Variants in CCDC175 observed in about 807,000 individuals in gnomAD.
CCDC175 encodes the protein coiled-coil domain containing 175, also known as coiled-coil domain-containing protein 175.
CCDC175 carries 100 observed loss-of-function variants against 114.6 expected under a neutral mutation model. That is an observed-to-expected ratio of 0.87 (90% CI 0.74 to 1.03). The LOEUF is 1.03. Among genes scored for constraint, CCDC175 ranks in the 50% least tolerant of loss-of-function variants. The probability of loss-of-function intolerance (pLI) is 0.00; values close to 1 mark genes in which losing one functional copy is unlikely to be tolerated. For synonymous variants in CCDC175, 306 were observed against 308.7 expected (o/e 0.99, Z 0.09); for missense variants, 880 against 917.8 (o/e 0.96, Z 0.53).
chr14:59,560,869 C>T (rs1227922459), intron 7 of CCDC175, among the ~76,000 whole-genome samples: 1 of 152,086 alleles, frequency 6.6e-6, no homozygotes, highest in Non-Finnish European at 1.5e-5. Flanking sequence ...ATAATATAGA[C>T]ATTCCAAAGA....
chr14:59,570,803 G>A (rs886453193), intron 3 of CCDC175, among the ~76,000 whole-genome samples: 6 of 152,144 alleles, frequency 3.9e-5, no homozygotes, highest in Admixed American at 2.0e-4. Context: ...CTGCAGTGGC[G>A]CAATCTTGGC....
chr14:59,552,983 G>A (rs377288391), intron 7 of CCDC175, among the ~76,000 whole-genome samples: 96 of 152,336 alleles, frequency 6.3e-4, no homozygotes, highest in Non-Finnish European at 9.8e-4. Context: ...CCACATCTAC[G>A]TCTGATTGGT....
chr14:59,505,296 A>G lies in CCDC175; in HGVS notation c.2325T>C (p.Arg775=), dbSNP rs376036837. The change falls in exon 20 of 20, where the codon CGT becomes CGC. Residue 775 remains arginine (R), a synonymous_variant. Transcript: ENST00000537690. ...MDLLKKKKHI[R]TRVHFPVVKC... ...TAACCACTGGGAAATGAACCCTTGT[A>G]CGAATGTGTTTCTTCTTCTCTGTAG... 1.1e-4 allele frequency: 159 copies of G among 1,502,954 alleles called. No individual in the cohort carries two copies. The highest frequency in any genetic ancestry group is 1.4e-4 in the Non-Finnish European group (154 of 1,123,886). The allele number at this position is 1,502,954 out of a possible 1,614,324, so 93.1% of individuals were successfully genotyped here.
chr14:59,521,775 G>A (rs187488250), intron 16 of CCDC175, 99 bp from the exon 17 acceptor site: 146 of 680,400 alleles, frequency 2.1e-4, no homozygotes, highest in South Asian at 6.8e-4. Flanking sequence ...CCTCCTCTGC[G>A]CCACCCACTA....
intron 6 of CCDC175, among the ~76,000 whole-genome samples, chr14:59,562,690 G>A (rs1896291581): frequency 2.6e-5 from 4 of 152,096 alleles, no homozygotes. Context: ...TCGGAGTACA[G>A]GCTAAGGAAG....
At position 59,576,798 on chromosome 14, in the gene CCDC175, T is replaced by C; in HGVS notation, c.-23A>G. 2 of 1,412,432 alleles carry C rather than the reference T, an allele frequency of 1.4e-6. No homozygotes were observed. Among genetic ancestry groups the C allele is most frequent in the Non-Finnish European group, 1.8e-6 (2 of 1,092,494 alleles). The allele number at this position is 1,412,432 out of a possible 1,614,324, so 87.5% of individuals were successfully genotyped here. Reference sequence around the variant, plus strand: ...CATTTTGCCGCTCTACTTGAGCGCCTCCTAAGCCAGAGCCAAGGATTGCCG... The same window carrying C: ...CATTTTGCCGCTCTACTTGAGCGCCCCCTAAGCCAGAGCCAAGGATTGCCG... On this transcript the variant is annotated 5_prime_UTR_variant, in exon 1 of 20. Coordinates refer to ENST00000537690, the MANE Select transcript of CCDC175 (RefSeq NM_001164399.2).
chr14:59,553,176 G>A (rs985956506), intron 7 of CCDC175, among the ~76,000 whole-genome samples: 10 of 152,172 alleles, frequency 6.6e-5, no homozygotes, highest in African/African-American at 2.4e-4. Flanking sequence ...ATTCACCAAA[G>A]TTGAAATGAA....
chr14:59,516,031 C>T (rs1357462163), intron 17 of CCDC175, among the ~76,000 whole-genome samples: 1 of 152,214 alleles, frequency 6.6e-6, no homozygotes, highest in Non-Finnish European at 1.5e-5. Flanking sequence ...AATCGCTCAA[C>T]TACTTGGAAA....
intron 17 of CCDC175, among the ~76,000 whole-genome samples, chr14:59,517,378 T>C (rs189338984): frequency 2.1e-4 from 32 of 152,356 alleles, no homozygotes; most frequent in Admixed American, 1.8e-3. Flanking sequence ...GGAAATCCAA[T>C]TGTCCCTGTT....
chr14:59,555,476 G>A (rs1328625827), intron 7 of CCDC175, among the ~76,000 whole-genome samples: 1 of 152,076 alleles, frequency 6.6e-6, no homozygotes, highest in African/African-American at 2.4e-5. Context: ...AAAATAATAA[G>A]AGCTATTTAT....
At chr14:59,515,346 G>T (rs556506072) in intron 17 of CCDC175, among the ~76,000 whole-genome samples, 24 of 152,306 alleles carry the variant, frequency 1.6e-4, no homozygotes, top group Admixed American at 1.2e-3. Flanking sequence ...TGGGCTAAAT[G>T]CTCCAATTAA....
chr14:59,529,353 T>C (rs17255842), intron 14 of CCDC175, among the ~76,000 whole-genome samples: 69,822 of 152,048 alleles, frequency 0.46, 18,467 homozygotes, highest in East Asian at 0.82. Flanking sequence ...AGCCATCTGG[T>C]CCAGTTTCTT....
At chr14:59,506,650 T>A (rs1892419332) in intron 19 of CCDC175, among the ~76,000 whole-genome samples, 1 of 151,504 alleles carries the variant, frequency 6.6e-6, no homozygotes, top group Non-Finnish European at 1.5e-5. Context: ...TGATCTAAAC[T>A]CCTCCTATTT....
At chr14:59,564,447 C>G (rs1896403700) in intron 5 of CCDC175, 1 of 153,852 alleles carries the variant, frequency 6.5e-6, no homozygotes. Context: ...CAGAGCAGAA[C>G]AAGGAAGAAA....
intron 17 of CCDC175, among the ~76,000 whole-genome samples, chr14:59,515,573 C>T (rs1047506811): frequency 1.3e-5 from 2 of 152,030 alleles, no homozygotes; most frequent in African/African-American, 4.8e-5. Flanking sequence ...ACAAAGAAGG[C>T]CATTACATAA....
intron 18 of CCDC175, among the ~76,000 whole-genome samples, chr14:59,511,254 C>A (rs979864325): frequency 6.6e-6 from 1 of 152,144 alleles, no homozygotes; most frequent in African/African-American, 2.4e-5. Flanking sequence ...GACATTTTAA[C>A]GCTTTCCTAG....
chr14:59,526,608 C>T (rs1462520336), intron 15 of CCDC175, among the ~76,000 whole-genome samples: 1 of 151,968 alleles, frequency 6.6e-6, no homozygotes, highest in East Asian at 1.9e-4. Flanking sequence ...AGAATGTTTC[C>T]ATTTTTAATT....
intron 17 of CCDC175, among the ~76,000 whole-genome samples, chr14:59,513,975 A>G (rs973401420): frequency 7.9e-5 from 12 of 152,166 alleles, no homozygotes; most frequent in African/African-American, 2.9e-4. Flanking sequence ...AAACTTCCAG[A>G]GGCATGATCA....
At chr14:59,514,525 G>C (rs910443027) in intron 17 of CCDC175, among the ~76,000 whole-genome samples, 3 of 152,200 alleles carry the variant, frequency 2.0e-5, no homozygotes, top group African/African-American at 7.2e-5. Context: ...AAATGCATAA[G>C]CCTCAGTAGC....
Sources: allele counts gnomAD v4.1 joint callset (sites outside exome capture counted in the v4.1 genomes callset), GRCh38; gene constraint gnomAD v4.1.1; transcripts MANE v1.5; gene names NCBI Gene and HGNC (gene_info 2026-07-23, HGNC 2026-07-21).